WWTR1: variants seen among roughly 807,000 people sequenced by gnomAD.
WWTR1 encodes the protein WW domain containing transcription regulator 1.
WWTR1 carries 13 observed loss-of-function variants against 40.1 expected under a neutral mutation model. The ratio of observed to expected loss-of-function variants is 0.32; its 90% CI spans 0.21 to 0.52. WWTR1 has a LOEUF of 0.52. Ranked by LOEUF, WWTR1 falls within the 20% of genes least tolerant of loss-of-function variation. WWTR1 has a pLI of 0.97. For synonymous variants in WWTR1, 230 were observed against 210.1 expected, an observed-to-expected ratio of 1.09 and a Z score of -0.82; for missense variants, 436 against 523.1, an observed-to-expected ratio of 0.83 and a Z score of 1.63.
intron 2 of WWTR1, among the ~76,000 whole-genome samples, chr3:149,644,752 T>C (rs1712388539): frequency 6.6e-6 from 1 of 152,220 alleles, no homozygotes; most frequent in Admixed American, 6.5e-5. Context: ...CACAAGTAAC[T>C]GGGAACAGTA....
At chr3:149,710,456 C>T (rs113771107) in intron 5 of WWTR1, among the ~76,000 whole-genome samples, 8 of 150,066 alleles carry the variant, frequency 5.3e-5, no homozygotes, top group African/African-American at 1.5e-4. Context: ...AACATCTGTT[C>T]TTTGGTTTTC....
At chr3:149,663,588 C>T (rs375680451) in intron 2 of WWTR1, among the ~76,000 whole-genome samples, 9 of 151,950 alleles carry the variant, frequency 5.9e-5, no homozygotes, top group Non-Finnish European at 1.2e-4. Flanking sequence ...CCCAGCTACT[C>T]GGGAGGCTGA....
chr3:149,568,988 G>A (rs1560064874), intron 3 of WWTR1, among the ~76,000 whole-genome samples: 4 of 152,116 alleles, frequency 2.6e-5, no homozygotes, highest in Admixed American at 2.6e-4. Flanking sequence ...TCACGGTCTC[G>A]ATCTCCTGAC....
intron 2 of WWTR1, among the ~76,000 whole-genome samples, chr3:149,638,820 A>G (rs1187554536): frequency 6.6e-6 from 1 of 152,228 alleles, no homozygotes; most frequent in Non-Finnish European, 1.5e-5. Flanking sequence ...AAGTTCAGGA[A>G]TTATGGGTAA....
upstream of WWTR1, among the ~76,000 whole-genome samples, chr3:149,706,573 C>A (rs145924389): frequency 0.036 from 5,480 of 152,250 alleles, 131 homozygotes; most frequent in Middle Eastern, 0.051. Context: ...CCGCCTCAGC[C>A]TCCCAAAGTG....
At chr3:149,577,967 C>T (rs895886220) in intron 2 of WWTR1, among the ~76,000 whole-genome samples, 1 of 151,828 alleles carries the variant, frequency 6.6e-6, no homozygotes, top group Admixed American at 6.6e-5. Context: ...CTGGGCTTCC[C>T]TTCTGCCAAT....
chr3:149,559,609 C>G (rs1737000854), intron 3 of WWTR1, among the ~76,000 whole-genome samples: 1 of 152,086 alleles, frequency 6.6e-6, no homozygotes. Context: ...AAAATAAAAC[C>G]TCTCTACACA....
At chr3:149,695,691 G>A (rs867098512) in intron 1 of WWTR1, among the ~76,000 whole-genome samples, 1 of 148,772 alleles carries the variant, frequency 6.7e-6, no homozygotes, top group South Asian at 2.1e-4. Flanking sequence ...AACTCAGGAG[G>A]CAGAGGCTGC....
intron 6 of WWTR1, among the ~76,000 whole-genome samples, chr3:149,523,034 C>A (rs1380021700): frequency 6.6e-6 from 1 of 150,880 alleles, no homozygotes; most frequent in African/African-American, 2.4e-5. Context: ...CCACTGCACT[C>A]CAGCCTGGGT....
chr3:149,549,650 C>CA (rs1267735943), intron 3 of WWTR1, among the ~76,000 whole-genome samples: 1 of 152,038 alleles, frequency 6.6e-6, no homozygotes, highest in Non-Finnish European at 1.5e-5. Flanking sequence ...CCAACCTAGG[C>CA]AACATAGTGA....
chr3:149,593,737 G>A (rs1366465977), intron 2 of WWTR1, among the ~76,000 whole-genome samples: 1 of 152,202 alleles, frequency 6.6e-6, no homozygotes, highest in Admixed American at 6.5e-5. Context: ...AGGGAAGCAG[G>A]GGGAGCCATT....
intron 2 of WWTR1, among the ~76,000 whole-genome samples, chr3:149,647,942 A>C (rs1194927657): frequency 6.6e-6 from 1 of 152,206 alleles, no homozygotes; most frequent in African/African-American, 2.4e-5. Flanking sequence ...ATCATCTACC[A>C]ACCAACACCT....
chr3:149,540,244 A>T, intron 4 of WWTR1: 4 of 456,700 alleles, frequency 8.8e-6, no homozygotes, highest in South Asian at 6.2e-5. Flanking sequence ...CCCACGTTCC[A>T]CAGCCTCCAA....
At chr3:149,634,366 G>A (rs770811121) in intron 2 of WWTR1, among the ~76,000 whole-genome samples, 3 of 152,180 alleles carry the variant, frequency 2.0e-5, no homozygotes, top group East Asian at 1.9e-4. Flanking sequence ...CTAGGTACAC[G>A]TTTGTTAAAT....
At chr3:149,655,292 A>G (rs1713140398) in intron 2 of WWTR1, among the ~76,000 whole-genome samples, 3 of 151,116 alleles carry the variant, frequency 2.0e-5, no homozygotes, top group Admixed American at 2.0e-4. Context: ...TAAAAATACA[A>G]AAATTAGCCA....
intron 6 of WWTR1, 41 bp from the exon 7 acceptor site, chr3:149,521,030 T>C: frequency 6.5e-7 from 1 of 1,536,006 alleles, no homozygotes; most frequent in East Asian, 2.3e-5. Flanking sequence ...TTCCTTCTTT[T>C]AGGCTCTTGA....
At chr3:149,521,883 G>GATCAT (rs982087783) in intron 6 of WWTR1, among the ~76,000 whole-genome samples, 1 of 152,114 alleles carries the variant, frequency 6.6e-6, no homozygotes, top group Admixed American at 6.5e-5. Context: ...TAGAAATTGG[G>GATCAT]ATCATATGCT....
chr3:149,650,303 A>C (rs1712791579), intron 2 of WWTR1: 1 of 152,254 alleles, frequency 6.6e-6, no homozygotes, highest in Non-Finnish European at 1.5e-5. Context: ...ATGAGACAGC[A>C]TGGCATAAGG....
Position 149,611,193 on chromosome 3 carries a change from T to TA in WWTR1, c.432-38194dup, listed in dbSNP as rs574957018. 1.2e-3 allele frequency among the ~76,000 whole-genome samples: 179 copies of TA among 152,056 alleles called. 1 individual carries two copies. Among genetic ancestry groups the TA allele is most frequent in the Non-Finnish European group, 1.7e-3 (113 of 67,978 alleles). On this transcript the variant is annotated intron_variant, in intron 2 of 6. Coordinates refer to ENST00000360632, the MANE Select transcript of WWTR1 (RefSeq NM_015472.6). ...TAAAAGTTTTTAAAAACTTTTTTTT[T>TA]AAAAAGAAGGCCACTAACATGCAGG...
Sources: allele counts gnomAD v4.1 joint callset (sites outside exome capture counted in the v4.1 genomes callset), GRCh38; gene constraint gnomAD v4.1.1; transcripts MANE v1.5; gene names NCBI Gene and HGNC (gene_info 2026-07-23, HGNC 2026-07-21).